PRKN: variants seen among roughly 807,000 people sequenced by gnomAD.
The protein encoded by PRKN is E3 ubiquitin-protein ligase parkin.
A neutral mutation model predicts 59.5 loss-of-function variants in PRKN; 56 were observed. That is an observed-to-expected ratio of 0.94 (90% CI 0.76 to 1.18). The LOEUF (loss-of-function observed/expected upper bound fraction) is 1.18, where lower values mean the gene tolerates loss of function less well. Ranked by LOEUF, PRKN falls within the 50% of genes most tolerant of loss-of-function variation. PRKN has a pLI of 0.00. For synonymous variants in PRKN, 250 were observed against 222.1 expected, an observed-to-expected ratio of 1.13 and a Z score of -1.12; for missense variants, 657 against 596.4, an observed-to-expected ratio of 1.10 and a Z score of -1.06.
intron 1 of PRKN, among the ~76,000 whole-genome samples, chr6:162,629,385 ATATATTATTAAC>A (rs1278020632): frequency 2.0e-5 from 3 of 152,086 alleles, no homozygotes; most frequent in Non-Finnish European, 4.4e-5. Flanking sequence ...TACAGCTGCT[ATATATTATTAAC>A]TGTAGCATGT....
At chr6:162,536,081 G>A (rs1158150061) in intron 1 of PRKN, among the ~76,000 whole-genome samples, 1 of 152,026 alleles carries the variant, frequency 6.6e-6, no homozygotes, top group African/African-American at 2.4e-5. Context: ...AAGATGGTAG[G>A]ACTGTTCCCA....
chr6:162,356,601 G>A (rs1039944429), intron 2 of PRKN, among the ~76,000 whole-genome samples: 7 of 151,176 alleles, frequency 4.6e-5, no homozygotes, highest in African/African-American at 1.5e-4. Flanking sequence ...TTATTTTGAG[G>A]ATATCAACAA....
chr6:162,423,277 A>G (rs1406254641), intron 2 of PRKN, among the ~76,000 whole-genome samples: 1 of 152,160 alleles, frequency 6.6e-6, no homozygotes, highest in Non-Finnish European at 1.5e-5. Flanking sequence ...ATGAACAACA[A>G]GGAGATGACA....
intron 1 of PRKN, among the ~76,000 whole-genome samples, chr6:162,481,717 T>A (rs1260174081): frequency 2.6e-5 from 4 of 152,174 alleles, no homozygotes; most frequent in Middle Eastern, 3.4e-3. Context: ...ACTAAAATAT[T>A]TTTTTTTCAA....
At chr6:161,833,259 A>T (rs1191137009) in intron 6 of PRKN, among the ~76,000 whole-genome samples, 1 of 152,146 alleles carries the variant, frequency 6.6e-6, no homozygotes, top group African/African-American at 2.4e-5. Flanking sequence ...ACCGCCAGAT[A>T]CAGTCTCCGG....
chr6:161,897,300 T>C (rs1003706025), intron 6 of PRKN, among the ~76,000 whole-genome samples: 2 of 152,220 alleles, frequency 1.3e-5, no homozygotes, highest in Admixed American at 1.3e-4. Context: ...GAGCAGCTGG[T>C]GTTTCATGCT....
chr6:162,576,744 C>T (rs895605767), intron 1 of PRKN, among the ~76,000 whole-genome samples: 1 of 131,610 alleles, frequency 7.6e-6, no homozygotes, highest in Non-Finnish European at 1.5e-5. Context: ...CCCAGAGAGG[C>T]GGAGGTTGCA....
intron 7 of PRKN, among the ~76,000 whole-genome samples, chr6:161,594,920 A>G (rs1334655857): frequency 6.6e-6 from 1 of 152,260 alleles, no homozygotes; most frequent in African/African-American, 2.4e-5. Context: ...AGGCAGAAGC[A>G]GGGATACCTA....
chr6:162,490,917 TGAGGCCAGAAGCTC>T (rs542787963), intron 1 of PRKN, among the ~76,000 whole-genome samples: 73 of 152,222 alleles, frequency 4.8e-4, no homozygotes, highest in African/African-American at 1.4e-3. Context: ...GTGGATCACT[TGAGGCCAGAAGCTC>T]GAGGCCACCC....
At chr6:161,826,191 A>G (rs1215651198) in intron 6 of PRKN, among the ~76,000 whole-genome samples, 3 of 152,214 alleles carry the variant, frequency 2.0e-5, no homozygotes, top group Non-Finnish European at 2.9e-5. Flanking sequence ...AGTACGGATG[A>G]CCTTGGGTCA....
intron 1 of PRKN, among the ~76,000 whole-genome samples, chr6:162,512,973 G>A (rs1262141061): frequency 6.6e-6 from 1 of 152,120 alleles, no homozygotes. Flanking sequence ...CAGTCTGTTA[G>A]GGCTGGCACA....
At position 161,473,291 on chromosome 6, in the gene PRKN, T is replaced by C. The variant is rs1790883852; in HGVS notation, c.1083+75563A>G. Among the ~76,000 whole-genome samples, 1 of 151,444 alleles carries C rather than the reference T, an allele frequency of 6.6e-6. No individual in the cohort carries two copies. Among genetic ancestry groups the C allele is most frequent in the Non-Finnish European group, 1.5e-5 (1 of 67,892 alleles). On this transcript the variant is annotated intron_variant, in intron 9 of 11. Coordinates refer to ENST00000366898, the MANE Select transcript of PRKN (RefSeq NM_004562.3). The surrounding 1 kb of genome is among the most constrained non-coding windows in gnomAD (Gnocchi z 4.1). ...TGGATAAAGAAATTGTGGAATATAT[T>C]ATATACATATATATTAGGGAGAGGG...
intron 9 of PRKN, among the ~76,000 whole-genome samples, chr6:161,425,611 C>A (rs770009738): frequency 6.6e-6 from 1 of 152,110 alleles, no homozygotes; most frequent in Non-Finnish European, 1.5e-5. Context: ...AAGGACTAGT[C>A]CCCCTTGGCT....
chr6:162,623,820 C>T (rs1782771587), intron 1 of PRKN, among the ~76,000 whole-genome samples: 2 of 152,232 alleles, frequency 1.3e-5, no homozygotes, highest in South Asian at 4.1e-4. Flanking sequence ...TAGAAACCCA[C>T]ATACCTACAC....
chr6:161,919,132 G>A (rs1448062380), intron 6 of PRKN, among the ~76,000 whole-genome samples: 1 of 152,154 alleles, frequency 6.6e-6, no homozygotes, highest in Non-Finnish European at 1.5e-5. Flanking sequence ...CCATCTACTG[G>A]TGAATGGATA....
chr6:162,053,544 T>C (rs534481184), intron 5 of PRKN, among the ~76,000 whole-genome samples: 23 of 152,286 alleles, frequency 1.5e-4, no homozygotes, highest in African/African-American at 5.5e-4. Context: ...ATGGCATATA[T>C]GTGCAAAGAG....
At chr6:161,707,501 T>G (rs1217519210) in intron 7 of PRKN, among the ~76,000 whole-genome samples, 1 of 152,196 alleles carries the variant, frequency 6.6e-6, no homozygotes, top group Non-Finnish European at 1.5e-5. Flanking sequence ...GGATGGCTCA[T>G]AAATGCTCTA....
chr6:162,346,218 G>C (rs894976050), intron 2 of PRKN, among the ~76,000 whole-genome samples: 1 of 152,018 alleles, frequency 6.6e-6, no homozygotes, highest in African/African-American at 2.4e-5. Context: ...TCAGTGGACT[G>C]GTCATAATGA....
chr6:161,805,478 A>ACACATG (rs61442187), intron 6 of PRKN, among the ~76,000 whole-genome samples: 1,985 of 149,362 alleles, frequency 0.013, 19 homozygotes, highest in Middle Eastern at 0.024. Context: ...ACACACACAC[A>ACACATG]CATGCATGTA....
Sources: gnomAD v4.1 joint callset for allele counts (sites outside exome capture counted in the v4.1 genomes callset) on GRCh38, gnomAD v4.1.1 for gene constraint, Gnocchi (gnomAD v3.1) non-coding constraint, MANE v1.5 for transcripts, NCBI Gene and HGNC (gene_info 2026-07-23, HGNC 2026-07-21) for gene names.